The following SLC8A1 variants were observed in gnomAD, a reference collection of about 807,000 sequenced individuals.
The protein encoded by SLC8A1 is sodium/calcium exchanger 1.
Under a neutral mutation model 68.3 loss-of-function variants are expected in SLC8A1, and 18 were observed. The ratio of observed to expected loss-of-function variants is 0.26; its 90% CI spans 0.18 to 0.39. The LOEUF is 0.39. SLC8A1 is among the 10% of genes least tolerant of loss of function. The probability of loss-of-function intolerance (pLI) is 1.00; values close to 1 mark genes in which losing one functional copy is unlikely to be tolerated. For missense variants in SLC8A1, 985 were observed against 1,156.7 expected (o/e 0.85, Z 2.15); for synonymous variants, 475 against 415.5 (o/e 1.14, Z -1.74).
At chr2:40,245,605 A>C (rs924604714) in intron 2 of SLC8A1, among the ~76,000 whole-genome samples, 5 of 152,180 alleles carry the variant, frequency 3.3e-5, no homozygotes, top group Admixed American at 2.6e-4. Context: ...TGAACCACTG[A>C]ATTTAGCAAA....
At chr2:40,436,573 A>G (rs1420755408) in intron 1 of SLC8A1, among the ~76,000 whole-genome samples, 2 of 152,044 alleles carry the variant, frequency 1.3e-5, no homozygotes. Context: ...TGGCTTGCTT[A>G]TTTTATATGC....
At chr2:40,493,028 A>C (rs1705424688) in intron 1 of SLC8A1, among the ~76,000 whole-genome samples, 1 of 152,196 alleles carries the variant, frequency 6.6e-6, no homozygotes, top group African/African-American at 2.4e-5. Context: ...TCATGCTGCT[A>C]TAAAGACACA....
intron 2 of SLC8A1, among the ~76,000 whole-genome samples, chr2:40,324,341 T>G (rs553354106): frequency 6.6e-6 from 1 of 152,288 alleles, no homozygotes; most frequent in Non-Finnish European, 1.5e-5. Flanking sequence ...TACCTGGTTT[T>G]GAACAGACAA....
intron 1 of SLC8A1, among the ~76,000 whole-genome samples, chr2:40,449,712 A>C (rs1446851871): frequency 6.6e-6 from 1 of 152,180 alleles, no homozygotes; most frequent in Non-Finnish European, 1.5e-5. Flanking sequence ...ATAGAAAATA[A>C]GCCTTCATAT....
chr2:40,206,678 G>A (rs1269816337), intron 2 of SLC8A1, among the ~76,000 whole-genome samples: 3 of 151,928 alleles, frequency 2.0e-5, no homozygotes, highest in Admixed American at 2.0e-4. Flanking sequence ...ATGAGCTTTA[G>A]GCCTGGGAAC....
At chr2:40,329,147 C>T (rs1029170272) in intron 2 of SLC8A1, among the ~76,000 whole-genome samples, 9 of 151,952 alleles carry the variant, frequency 5.9e-5, no homozygotes, top group Non-Finnish European at 1.0e-4. Context: ...AACTTTCACT[C>T]GGCCAAACCT....
rs112009906 is a variant in SLC8A1, at chr2:40,464,196, A to G, written c.-24-33892T>C. ...AGGCTTAAGCCACCACACCTGGCCA[A>G]AAGAGGATACATACAAATATATTTC... On this transcript the variant is annotated intron_variant, in intron 1 of 7. Transcript: ENST00000402441. 9.6e-3 allele frequency among the ~76,000 whole-genome samples: 1,459 copies of G among 152,298 alleles called. 28 individuals carry two copies. The highest frequency in any genetic ancestry group is 0.086 in the South Asian group (414 of 4,820).
At chr2:40,104,638 G>A (rs1325800383) in exon 8 of SLC8A1, 1 of 152,090 alleles carries the variant, frequency 6.6e-6, no homozygotes, top group Non-Finnish European at 1.5e-5. Context: ...CTAAATCAAA[G>A]ACTAGTGTTA....
intron 1 of SLC8A1, among the ~76,000 whole-genome samples, chr2:40,498,228 T>A (rs1287278547): frequency 1.3e-5 from 2 of 152,078 alleles, no homozygotes; most frequent in African/African-American, 4.8e-5. Context: ...TTGCATATAT[T>A]GGTTGGACGG....
chr2:40,413,849 T>C (rs1281963329), intron 2 of SLC8A1, among the ~76,000 whole-genome samples: 1 of 152,172 alleles, frequency 6.6e-6, no homozygotes, highest in African/African-American at 2.4e-5. Context: ...AAAAGAAGCA[T>C]TATGTTTTCT....
At chr2:40,335,290 T>C (rs4952406) in intron 2 of SLC8A1, among the ~76,000 whole-genome samples, 42,760 of 152,214 alleles carry the variant, frequency 0.28, 7,292 homozygotes, top group South Asian at 0.47. Flanking sequence ...AATGTGCTCA[T>C]ATATTTTTCT....
intron 2 of SLC8A1, among the ~76,000 whole-genome samples, chr2:40,269,046 C>G (rs1159031817): frequency 6.6e-6 from 1 of 152,096 alleles, no homozygotes; most frequent in Non-Finnish European, 1.5e-5. Flanking sequence ...CTATGAAAAC[C>G]ACGAAGATGA....
intron 4 of SLC8A1, among the ~76,000 whole-genome samples, chr2:40,173,095 A>G (rs1289717942): frequency 2.0e-5 from 3 of 152,180 alleles, no homozygotes; most frequent in African/African-American, 2.4e-5. Context: ...GCTGTTGGAT[A>G]GTACACTATT....
chr2:40,200,435 T>C (rs2054143161), intron 2 of SLC8A1, among the ~76,000 whole-genome samples: 1 of 148,516 alleles, frequency 6.7e-6, no homozygotes, highest in African/African-American at 2.5e-5. Context: ...TGCTTAAGAG[T>C]TTTATGTGTG....
At chr2:40,189,970 T>C (rs1466722638) in intron 2 of SLC8A1, 1 of 152,152 alleles carries the variant, frequency 6.6e-6, no homozygotes, top group Non-Finnish European at 1.5e-5. Context: ...TTCACATACA[T>C]TTTTAAAAGG....
At position 40,429,278 on chromosome 2, in the gene SLC8A1, G is replaced by A; in HGVS notation, c.1003C>T (p.Gln335Ter). ...TCTATTTCTTTATCTGGATGCTTCTGCTTAAGTTCCTTCAGAATCCTAGCC... is the reference window on the plus strand; with the variant it reads ...TCTATTTCTTTATCTGGATGCTTCTACTTAAGTTCCTTCAGAATCCTAGCC... The change falls in exon 2 of 8, where the codon CAG (glutamine) becomes TAG (stop). Residue 335 changes from glutamine (Q) to a stop codon, truncating the protein, a stop_gained. Coordinates refer to ENST00000406785, the Ensembl canonical transcript of SLC8A1. LOFTEE classifies it high-confidence loss of function. 6.2e-7 allele frequency: 1 copy of A among 1,613,850 alleles called. No homozygotes were observed. Among genetic ancestry groups the A allele is most frequent in the Non-Finnish European group, 8.5e-7 (1 of 1,179,920 alleles).
intron 2 of SLC8A1, among the ~76,000 whole-genome samples, chr2:40,238,367 T>A (rs2060721971): frequency 6.6e-6 from 1 of 152,200 alleles, no homozygotes; most frequent in South Asian, 2.1e-4. Flanking sequence ...GACCCGATTT[T>A]CCAGGTGCTG....
chr2:40,365,244 G>T (rs530435802), intron 2 of SLC8A1, among the ~76,000 whole-genome samples: 4 of 151,904 alleles, frequency 2.6e-5, no homozygotes, highest in African/African-American at 7.2e-5. Context: ...AGCGGGACAA[G>T]AATTCAGACT....
In SLC8A1 at chr2:40,398,420, T is replaced by G. The variant is rs1055564880; in HGVS notation, c.1808+30053A>C. On this transcript the variant is annotated intron_variant, in intron 2 of 7. Coordinates refer to ENST00000406785, the Ensembl canonical transcript of SLC8A1. ...GTGGTATATTTGTTTTTCTACTGTA[T>G]GTAGTTAAATTTTAAGTAACTTAAA... Among the ~76,000 whole-genome samples the G allele has an allele frequency of 2.0e-5, 3 of 152,230 alleles. No individual in the cohort carries two copies. In the East Asian group the frequency reaches 5.8e-4, roughly 29 times the overall value.
Sources: allele counts gnomAD v4.1 joint callset (sites outside exome capture counted in the v4.1 genomes callset), GRCh38; gene constraint gnomAD v4.1.1; transcripts MANE v1.5; gene names NCBI Gene and HGNC (gene_info 2026-07-23, HGNC 2026-07-21).